Variants in R3HDM4 observed in about 807,000 individuals in gnomAD.
R3HDM4 encodes the protein R3H domain-containing protein 4.
In R3HDM4, 30 loss-of-function variants were observed where a neutral mutation model predicts 31.3. That is an observed-to-expected ratio of 0.96 (90% confidence interval 0.72 to 1.30). The LOEUF (loss-of-function observed/expected upper bound fraction) is 1.30, where lower values mean the gene tolerates loss of function less well. R3HDM4 is among the 50% of genes most tolerant of loss of function. R3HDM4 has a pLI of 0.00. For synonymous variants in R3HDM4, 196 were observed against 156.6 expected (o/e 1.25, Z -1.88); for missense variants, 444 against 366.1 (o/e 1.21, Z -1.74).
intron 7 of R3HDM4, among the ~76,000 whole-genome samples, chr19:898,692 G>A (rs1208407247): frequency 3.3e-5 from 5 of 151,376 alleles, no homozygotes; most frequent in Admixed American, 6.6e-5. Context: ...GGACCCCCCC[G>A]TCCTCTACTC....
chr19:898,218 C>CT (rs1295938039), intron 7 of R3HDM4, among the ~76,000 whole-genome samples: 2 of 86,646 alleles, frequency 2.3e-5, no homozygotes, highest in East Asian at 5.0e-4. Context: ...CCTGTCTCTA[C>CT]TAAAAAAAAA....
At chr19:904,966 G>T (rs149691164) in intron 1 of R3HDM4, among the ~76,000 whole-genome samples, 3,923 of 152,198 alleles carry the variant, frequency 0.026, 188 homozygotes, top group African/African-American at 0.09. Context: ...CAGCACTTTG[G>T]GAGGCCAAGG....
chr19:902,501 C>T (rs973214952), intron 1 of R3HDM4: 8 of 197,942 alleles, frequency 4.0e-5, no homozygotes, highest in East Asian at 3.5e-4. Context: ...AAAAATTAAC[C>T]GGTGTGCTGG....
In R3HDM4 at chr19:900,071, C is replaced by G. The variant is rs775062281; in HGVS notation, c.551G>C (p.Arg184Pro). Residue 184 changes from arginine (R) to proline (P), a missense_variant, in exon 5 of 8, where the codon CGC (arginine) becomes CCC (proline). Transcript: ENST00000361574. ...RRLRAVLKRS[R>P]IPMETLETWE... Reference sequence around the variant, plus strand: ...CAATCCCCCACTCACCATGGGGATGCGGCTGCGCTTGAGGACGGCTCGCAG... The same window carrying G: ...CAATCCCCCACTCACCATGGGGATGGGGCTGCGCTTGAGGACGGCTCGCAG... The G allele has an allele frequency of 1.2e-6, 2 of 1,611,402 alleles. No homozygotes were observed. The highest frequency in any genetic ancestry group is 1.7e-6 in the Non-Finnish European group (2 of 1,179,092).
intron 1 of R3HDM4, among the ~76,000 whole-genome samples, chr19:905,505 C>CAAAAAAA (rs71335321): frequency 1.1e-4 from 11 of 101,032 alleles, no homozygotes; most frequent in African/African-American, 3.8e-4. Flanking sequence ...AACTCTGTCT[C>CAAAAAAA]AAAAAAAAAA....
intron 1 of R3HDM4, among the ~76,000 whole-genome samples, chr19:911,782 C>T (rs1193222141): frequency 6.6e-6 from 1 of 152,136 alleles, no homozygotes; most frequent in Non-Finnish European, 1.5e-5. Flanking sequence ...CCGCACAGAC[C>T]GCCCCGCTTC....
Position 900,137 on chromosome 19 carries a change from G to A in R3HDM4, c.485C>T (p.Ala162Val), listed in dbSNP as rs140670608. Reference sequence around the variant, plus strand: ...CTGGAAGCACTCGCGGGGTGTATAGGCGGGGTCCTCTGCAGGAGTGGGGGA... The same window carrying A: ...CTGGAAGCACTCGCGGGGTGTATAGACGGGGTCCTCTGCAGGAGTGGGGGA... Reference protein sequence around the residue: ...RGEDRRREDPAYTPRECFQRI... With the variant: ...RGEDRRREDPVYTPRECFQRI... The change falls in exon 5 of 8, where the codon GCC (alanine) becomes GTC (valine). Residue 162 changes from alanine to valine, a missense_variant. Transcript: ENST00000361574. The A allele has an allele frequency of 1.3e-6, 2 of 1,582,014 alleles. No homozygotes were observed. The highest frequency in any genetic ancestry group is 2.7e-5 in the African/African-American group (2 of 73,524).
At chr19:904,255 C>T (rs1318241645) in intron 1 of R3HDM4, among the ~76,000 whole-genome samples, 2 of 152,176 alleles carry the variant, frequency 1.3e-5, no homozygotes, top group African/African-American at 4.8e-5. Context: ...GACACGATTT[C>T]CCGTCCCGCC....
chr19:909,831 T>C (rs780796769), intron 1 of R3HDM4, among the ~76,000 whole-genome samples: 1 of 151,432 alleles, frequency 6.6e-6, no homozygotes, highest in Non-Finnish European at 1.5e-5. Flanking sequence ...AACAGAAGAC[T>C]CAGGAAGAAG....
In R3HDM4 at chr19:901,442, T is replaced by C. The variant is rs2036835609; in HGVS notation, c.331A>G (p.Asn111Asp). The change falls in exon 3 of 8, where the codon AAC becomes GAC. Residue 111 changes from asparagine to aspartate, a missense_variant. By Grantham distance (23) the Asn-to-Asp change is conservative (BLOSUM62 1). Transcript: ENST00000361574. ...CACACCTCCACATAGGTGGCGTTGTTGCAGGCCTCGGCAAAGATGCCTGGT... is the reference window on the plus strand; with the variant it reads ...CACACCTCCACATAGGTGGCGTTGTCGCAGGCCTCGGCAAAGATGCCTGGT... The part of the protein sequence containing the change: ...ASPGIFAEAC[N>D]NATYVEVWND... 5 of 1,607,866 alleles carry C rather than the reference T, an allele frequency of 3.1e-6. No individual in the cohort carries two copies. Among genetic ancestry groups the C allele is most frequent in the Non-Finnish European group, 4.2e-6 (5 of 1,179,490 alleles).
intron 1 of R3HDM4, among the ~76,000 whole-genome samples, chr19:906,038 T>C (rs2145297280): frequency 6.6e-6 from 1 of 152,086 alleles, no homozygotes; most frequent in South Asian, 2.1e-4. Context: ...CCCCTTTTTT[T>C]TTTTGAGACA....
intron 3 of R3HDM4, 73 bp from the exon 4 acceptor site, chr19:901,025 A>C (rs915987120): frequency 4.5e-5 from 66 of 1,481,726 alleles, no homozygotes; most frequent in Non-Finnish European, 5.4e-5. Flanking sequence ...GCAAATGGGC[A>C]CGGTAAGGCC....
Position 899,593 on chromosome 19 carries a change from C to T in R3HDM4, c.647+8G>A. 6.2e-7 allele frequency: 1 copy of T among 1,612,474 alleles called. No homozygotes were observed. Among genetic ancestry groups the T allele is most frequent in the South Asian group, 1.1e-5 (1 of 91,004 alleles). On this transcript the variant is annotated splice_region_variant and intron_variant, in intron 6 of 7. Transcript: ENST00000361574. The surrounding 1 kb of genome is among the most constrained non-coding windows in gnomAD (Gnocchi z 6.8). ...GGAGGGTCCGCTCGCCTGGCCGCCC[C>T]CCCTTACCTGTTGTCTAGCATTGCT... is the stretch of plus-strand genomic sequence containing the variant.
chr19:903,108 T>C (rs2036857357), intron 1 of R3HDM4, among the ~76,000 whole-genome samples: 1 of 152,084 alleles, frequency 6.6e-6, no homozygotes, highest in African/African-American at 2.4e-5. Flanking sequence ...CCACAGCCTT[T>C]GGGACGTGAA....
At chr19:903,047 C>T (rs949522987) in intron 1 of R3HDM4, among the ~76,000 whole-genome samples, 5 of 152,182 alleles carry the variant, frequency 3.3e-5, no homozygotes, top group South Asian at 2.1e-4. Context: ...GAAAAGCTGC[C>T]GCCCACCCCC....
intron 1 of R3HDM4, among the ~76,000 whole-genome samples, chr19:904,626 G>A (rs1346535387): frequency 6.6e-6 from 1 of 151,992 alleles, no homozygotes; most frequent in Non-Finnish European, 1.5e-5. Flanking sequence ...TTGAGGCCAG[G>A]AGTTCAAGAT....
In R3HDM4 at chr19:899,636, G is replaced by A. The variant is rs1322152560; in HGVS notation, c.612C>T (p.Ser204=). 2 of 1,608,494 alleles carry A rather than the reference G, an allele frequency of 1.2e-6. No homozygotes were observed. The highest frequency in any genetic ancestry group is 1.1e-5 in the South Asian group (1 of 90,928). ...GCATTGCTGTGTACACGGCCTGGGG[G>A]GACACGGAGAAGAACCGAAGCAGCC... ...EERLLRFFSV[S]PQAVYTAMLD... Residue 204 remains serine (S), a synonymous_variant, in exon 6 of 8, where the codon TCC becomes TCT. Transcript: ENST00000361574. The surrounding 1 kb of genome is among the most constrained non-coding windows in gnomAD (Gnocchi z 6.8).
At chr19:898,227 A>T (rs1204639249) in intron 7 of R3HDM4, among the ~76,000 whole-genome samples, 1 of 128,910 alleles carries the variant, frequency 7.8e-6, no homozygotes, top group East Asian at 2.1e-4. Flanking sequence ...ACTAAAAAAA[A>T]AAATATATAT....
chr19:901,592 C>A (rs779026297), intron 2 of R3HDM4, 46 bp from the exon 3 acceptor site: 3 of 1,577,090 alleles, frequency 1.9e-6, no homozygotes, highest in Admixed American at 1.7e-5. Context: ...CATTTGGGGA[C>A]CCCCAGGCAC....
Sources: allele counts gnomAD v4.1 joint callset (sites outside exome capture counted in the v4.1 genomes callset), GRCh38; gene constraint gnomAD v4.1.1; non-coding constraint Gnocchi (gnomAD v3.1); transcripts MANE v1.5; gene names NCBI Gene and HGNC (gene_info 2026-07-23, HGNC 2026-07-21).